FSTL5: variants seen among roughly 807,000 people sequenced by gnomAD.
The protein encoded by FSTL5 is follistatin-related protein 5.
A neutral mutation model predicts 89.1 loss-of-function variants in FSTL5; 62 were observed. That is an observed-to-expected ratio of 0.70 (90% CI 0.57 to 0.86). The LOEUF is 0.86. Ranked by LOEUF, FSTL5 falls within the 40% of genes least tolerant of loss-of-function variation. The probability of loss-of-function intolerance (pLI) is 0.00; values close to 1 mark genes in which losing one functional copy is unlikely to be tolerated. For synonymous variants in FSTL5, 383 were observed against 346.2 expected (o/e 1.11, Z -1.18); for missense variants, 1,057 against 1,001.6 (o/e 1.06, Z -0.75).
chr4:161,815,946 A>G (rs1730312587), intron 4 of FSTL5, among the ~76,000 whole-genome samples: 1 of 152,212 alleles, frequency 6.6e-6, no homozygotes, highest in South Asian at 2.1e-4. Flanking sequence ...CAAAATTTAA[A>G]AATAAAAAAA....
chr4:161,653,135 G>A (rs1451213899), intron 7 of FSTL5, among the ~76,000 whole-genome samples: 1 of 152,156 alleles, frequency 6.6e-6, no homozygotes, highest in Non-Finnish European at 1.5e-5. Context: ...GTTTTAAGCA[G>A]GCAAGAAATT....
chr4:161,844,055 G>A (rs1393452654), intron 4 of FSTL5, among the ~76,000 whole-genome samples: 1 of 152,094 alleles, frequency 6.6e-6, no homozygotes, highest in Non-Finnish European at 1.5e-5. Flanking sequence ...ATCTGGCAAA[G>A]GGCTAATATC....
chr4:161,450,765 C>T (rs1733136245), intron 15 of FSTL5, among the ~76,000 whole-genome samples: 3 of 128,794 alleles, frequency 2.3e-5, no homozygotes. Flanking sequence ...TTTTTTGAGA[C>T]AGAGTCTCAC....
In FSTL5 at chr4:161,641,208, A is replaced by G. The variant is rs1201600501; in HGVS notation, c.894+15120T>C. On this transcript the variant is annotated intron_variant, in intron 7 of 15. Coordinates refer to ENST00000306100, the MANE Select transcript of FSTL5 (RefSeq NM_020116.5). ...CAGTGACTGAAAGCTATATAAAGAA[A>G]TAAGAATCTCAATAAAGGTAAATGC... is the stretch of plus-strand genomic sequence containing the variant. Among the ~76,000 whole-genome samples the G allele has an allele frequency of 2.6e-5, 4 of 152,298 alleles. No individual in the cohort carries two copies. The East Asian group carries it at 5.8e-4, about 22-fold the overall frequency.
At chr4:161,858,888 C>G (rs1171637849) in intron 4 of FSTL5, among the ~76,000 whole-genome samples, 1 of 152,136 alleles carries the variant, frequency 6.6e-6, no homozygotes, top group Non-Finnish European at 1.5e-5. Context: ...ATGTATCTTG[C>G]ATTCTCTGTG....
chr4:161,779,811 G>A (rs9759526), intron 4 of FSTL5, among the ~76,000 whole-genome samples: 6,098 of 38,694 alleles, frequency 0.16, 665 homozygotes, highest in South Asian at 0.31. Flanking sequence ...ATATATATAT[G>A]TATATATATA....
intron 4 of FSTL5, among the ~76,000 whole-genome samples, chr4:161,889,147 G>A (rs1732907605): frequency 6.6e-6 from 1 of 152,094 alleles, no homozygotes; most frequent in African/African-American, 2.4e-5. Flanking sequence ...AAATATCCTA[G>A]AGTCAACCAA....
intron 3 of FSTL5, among the ~76,000 whole-genome samples, chr4:162,030,682 T>G (rs1737488181): frequency 6.6e-6 from 1 of 152,170 alleles, no homozygotes; most frequent in Non-Finnish European, 1.5e-5. Flanking sequence ...CCACAAAGGA[T>G]ATTATCATTA....
intron 4 of FSTL5, among the ~76,000 whole-genome samples, chr4:161,829,271 A>C (rs935962623): frequency 4.0e-5 from 6 of 150,606 alleles, no homozygotes; most frequent in Non-Finnish European, 1.5e-5. Flanking sequence ...AAAAGCTCTT[A>C]AAGTTTTAAT....
intron 2 of FSTL5, among the ~76,000 whole-genome samples, chr4:162,097,763 G>A (rs1730823365): frequency 6.6e-6 from 1 of 151,686 alleles, no homozygotes; most frequent in South Asian, 2.1e-4. Flanking sequence ...AAACTACAAT[G>A]GATAATACTA....
chr4:161,605,251 T>C (rs970104171), intron 7 of FSTL5, among the ~76,000 whole-genome samples: 1 of 152,204 alleles, frequency 6.6e-6, no homozygotes, highest in Non-Finnish European at 1.5e-5. Context: ...ATTGTTTTTA[T>C]ACTTAAATAA....
chr4:162,091,916 T>G (rs1373324843), intron 2 of FSTL5, among the ~76,000 whole-genome samples: 1 of 151,288 alleles, frequency 6.6e-6, no homozygotes, highest in South Asian at 2.1e-4. Flanking sequence ...ATAGAATATA[T>G]GTATATTTTA....
intron 3 of FSTL5, among the ~76,000 whole-genome samples, chr4:162,024,233 T>C (rs1345459442): frequency 6.6e-6 from 1 of 152,188 alleles, no homozygotes; most frequent in Non-Finnish European, 1.5e-5. Context: ...CGAATTCACA[T>C]ATACCAAAAT....
At chr4:161,517,009 C>T (rs1730866779) in intron 10 of FSTL5, among the ~76,000 whole-genome samples, 1 of 152,116 alleles carries the variant, frequency 6.6e-6, no homozygotes, top group South Asian at 2.1e-4. Context: ...GTGCCTCAGC[C>T]TCCTGAATAG....
intron 7 of FSTL5, among the ~76,000 whole-genome samples, chr4:161,639,454 A>C (rs1349850021): frequency 6.6e-6 from 1 of 152,178 alleles, no homozygotes; most frequent in Non-Finnish European, 1.5e-5. Flanking sequence ...TATATGACCC[A>C]AGTGTCTAAA....
intron 1 of FSTL5, among the ~76,000 whole-genome samples, chr4:162,128,004 A>C (rs1732149786): frequency 6.6e-6 from 1 of 152,200 alleles, no homozygotes. Context: ...ACTATGGTCC[A>C]AATAGTTAAT....
At chr4:162,017,387 A>G (rs1578950524) in intron 3 of FSTL5, among the ~76,000 whole-genome samples, 1 of 152,328 alleles carries the variant, frequency 6.6e-6, no homozygotes, top group East Asian at 1.9e-4. Flanking sequence ...GTTCTCTGAT[A>G]AACTGATTCT....
intron 6 of FSTL5, among the ~76,000 whole-genome samples, chr4:161,669,763 TG>T (rs1322636483): frequency 6.6e-6 from 1 of 152,090 alleles, no homozygotes; most frequent in Non-Finnish European, 1.5e-5. Context: ...AAAATAATAT[TG>T]GTTTATTTTT....
intron 4 of FSTL5, among the ~76,000 whole-genome samples, chr4:161,813,030 C>CT (rs372383502): frequency 0.066 from 9,302 of 141,236 alleles, 355 homozygotes; most frequent in Middle Eastern, 0.11. Context: ...TGAAAGATCC[C>CT]TTTTTTTTTT....
Sources: allele counts gnomAD v4.1 joint callset (sites outside exome capture counted in the v4.1 genomes callset), GRCh38; gene constraint gnomAD v4.1.1; transcripts MANE v1.5; gene names NCBI Gene and HGNC (gene_info 2026-07-23, HGNC 2026-07-21).